The following SLC4A4 variants were observed in gnomAD, a reference collection of about 807,000 sequenced individuals.
SLC4A4 encodes the protein solute carrier family 4 member 4, also known as electrogenic sodium bicarbonate cotransporter 1.
In SLC4A4, 27 loss-of-function variants were observed where a neutral mutation model predicts 111.5. That is an observed-to-expected ratio of 0.24 (90% CI 0.18 to 0.33). The LOEUF is 0.33. SLC4A4 is among the 10% of genes least tolerant of loss of function. SLC4A4 has a pLI of 1.00. For synonymous variants in SLC4A4, 443 were observed against 463.4 expected, an observed-to-expected ratio of 0.96 and a Z score of 0.57; for missense variants, 909 against 1,315.5, an observed-to-expected ratio of 0.69 and a Z score of 4.78.
chr4:71,328,632 T>A (rs1174232062), intron 3 of SLC4A4, among the ~76,000 whole-genome samples: 1 of 152,168 alleles, frequency 6.6e-6, no homozygotes, highest in Non-Finnish European at 1.5e-5. Flanking sequence ...TTAAGAAAGA[T>A]CTGTTCAGAT....
intron 6 of SLC4A4, among the ~76,000 whole-genome samples, chr4:71,386,707 C>T (rs577975896): frequency 4.4e-4 from 67 of 152,100 alleles, no homozygotes; most frequent in African/African-American, 1.6e-3. Context: ...TTTGTGGATA[C>T]AGTATCTTCT....
chr4:71,069,755 A>G (rs987779185), intron 1 of SLC4A4, among the ~76,000 whole-genome samples: 3 of 152,222 alleles, frequency 2.0e-5, no homozygotes, highest in African/African-American at 7.2e-5. Context: ...CTTTCTCTGG[A>G]CAGTTATTTA....
intron 1 of SLC4A4, among the ~76,000 whole-genome samples, chr4:71,218,246 C>T (rs76296876): frequency 0.021 from 3,237 of 152,166 alleles, 117 homozygotes; most frequent in African/African-American, 0.074. Context: ...AAAGCAAATG[C>T]AAAAAGTTAC....
At chr4:71,490,185 T>C (rs919321894) in intron 15 of SLC4A4, among the ~76,000 whole-genome samples, 1 of 151,978 alleles carries the variant, frequency 6.6e-6, no homozygotes, top group East Asian at 2.0e-4. Flanking sequence ...TTGTTCACAC[T>C]GTATCTAGAT....
chr4:71,223,841 A>C (rs1718897003), intron 1 of SLC4A4, among the ~76,000 whole-genome samples: 1 of 151,894 alleles, frequency 6.6e-6, no homozygotes, highest in Non-Finnish European at 1.5e-5. Context: ...GCCCGTCTTC[A>C]CTGCCCGCTT....
At chr4:71,236,081 C>T (rs904799858) in intron 1 of SLC4A4, 32 of 1,000,994 alleles carry the variant, frequency 3.2e-5, no homozygotes, top group Non-Finnish European at 3.8e-5. Flanking sequence ...GCCTACCTCC[C>T]TGTCGCTCTC....
At chr4:71,415,330 T>C (rs1352772057) in intron 7 of SLC4A4, among the ~76,000 whole-genome samples, 1 of 152,222 alleles carries the variant, frequency 6.6e-6, no homozygotes, top group Non-Finnish European at 1.5e-5. Flanking sequence ...ATTTTATTTT[T>C]GTCAGTCACC....
chr4:71,376,450 G>A (rs535924981), intron 6 of SLC4A4, among the ~76,000 whole-genome samples: 2 of 151,196 alleles, frequency 1.3e-5, no homozygotes, highest in Non-Finnish European at 3.0e-5. Context: ...TGATCCACCC[G>A]CCTCAGCCTC....
intron 2 of SLC4A4, among the ~76,000 whole-genome samples, chr4:71,156,588 G>GCTCGCACACACACACACACACA (rs376043069): frequency 8.7e-5 from 12 of 138,512 alleles, no homozygotes; most frequent in African/African-American, 3.0e-4. Flanking sequence ...GCGCGCGCGC[G>GCTCGCACACACACACACACACA]CACACACACA....
chr4:71,457,065 T>C (rs1386275976), intron 12 of SLC4A4, among the ~76,000 whole-genome samples: 1 of 152,110 alleles, frequency 6.6e-6, no homozygotes, highest in Non-Finnish European at 1.5e-5. Flanking sequence ...ACATGGGTGC[T>C]GGGTAGAAAC....
intron 2 of SLC4A4, among the ~76,000 whole-genome samples, chr4:71,159,662 C>T (rs1204080832): frequency 6.6e-6 from 1 of 152,166 alleles, no homozygotes; most frequent in East Asian, 1.9e-4. Flanking sequence ...CAGCACCCAG[C>T]TAACTTGGGT....
At chr4:71,422,185 A>C (rs879370487) in intron 7 of SLC4A4, among the ~76,000 whole-genome samples, 1 of 142,922 alleles carries the variant, frequency 7.0e-6, no homozygotes, top group East Asian at 2.0e-4. Context: ...AATACAAACT[A>C]CCATCAGAGA....
At chr4:71,270,586 G>T (rs1722637352) in intron 3 of SLC4A4, among the ~76,000 whole-genome samples, 1 of 152,344 alleles carries the variant, frequency 6.6e-6, no homozygotes, top group African/African-American at 2.4e-5. Context: ...ACTTAAAAAT[G>T]TAGAAACACA....
chr4:71,391,804 G>A (rs76555933), intron 6 of SLC4A4, among the ~76,000 whole-genome samples: 3,841 of 151,932 alleles, frequency 0.025, 157 homozygotes, highest in East Asian at 0.15. Flanking sequence ...TTTACACCCT[G>A]GATTTTAGGT....
At chr4:71,229,948 C>A (rs1230468695) in intron 1 of SLC4A4, among the ~76,000 whole-genome samples, 1 of 151,362 alleles carries the variant, frequency 6.6e-6, no homozygotes, top group African/African-American at 2.4e-5. Context: ...CCACTGAGAT[C>A]GCTCTTCCCT....
chr4:71,420,694 G>C (rs1316622345), intron 7 of SLC4A4, among the ~76,000 whole-genome samples: 3 of 151,064 alleles, frequency 2.0e-5, no homozygotes, highest in Non-Finnish European at 3.0e-5. Flanking sequence ...CATTCTTAAA[G>C]AAAAGAATTT....
At chr4:71,398,621 T>A (rs974502293) in intron 7 of SLC4A4, among the ~76,000 whole-genome samples, 2 of 152,102 alleles carry the variant, frequency 1.3e-5, no homozygotes, top group African/African-American at 4.8e-5. Flanking sequence ...TTTAAAAAAA[T>A]CATAGAAATC....
At chr4:71,368,684 A>T (rs1053962406) in intron 6 of SLC4A4, among the ~76,000 whole-genome samples, 32 of 152,170 alleles carry the variant, frequency 2.1e-4, no homozygotes, top group Non-Finnish European at 4.4e-5. Flanking sequence ...ATTATTAACA[A>T]TCTTGATCTT....
intron 6 of SLC4A4, among the ~76,000 whole-genome samples, chr4:71,359,397 A>C (rs189286165): frequency 1.2e-4 from 18 of 152,322 alleles, no homozygotes; most frequent in African/African-American, 4.1e-4. Flanking sequence ...TATTTGCCTT[A>C]ATGCTACCTA....
Sources: allele counts gnomAD v4.1 joint callset (sites outside exome capture counted in the v4.1 genomes callset), GRCh38; gene constraint gnomAD v4.1.1; transcripts MANE v1.5; gene names NCBI Gene and HGNC (gene_info 2026-07-23, HGNC 2026-07-21).